The following C10orf53 variants were observed in gnomAD, a reference collection of about 807,000 sequenced individuals.
C10orf53 encodes the protein chromosome 10 open reading frame 53.
A neutral mutation model predicts 9.4 loss-of-function variants in C10orf53; 8 were observed. The ratio of observed to expected loss-of-function variants is 0.85; its 90% CI spans 0.50 to 1.53. C10orf53 has a LOEUF of 1.53. Among genes scored for constraint, C10orf53 ranks in the 40% most tolerant of loss-of-function variants. The pLI, the probability that C10orf53 is intolerant of heterozygous loss-of-function variation, is 0.00. For missense variants in C10orf53, 117 were observed against 117.8 expected, an observed-to-expected ratio of 0.99 and a Z score of 0.03; for synonymous variants, 48 against 46.0, an observed-to-expected ratio of 1.04 and a Z score of -0.18.
At chr10:49,693,981 C>A in intron 2 of C10orf53, 88 bp downstream of exon 2, 1 of 1,566,108 alleles carries the variant, frequency 6.4e-7, no homozygotes, top group Non-Finnish European at 8.7e-7. Context: ...GTGTATCATG[C>A]CTGGATTCAA....
intron 1 of C10orf53, among the ~76,000 whole-genome samples, chr10:49,693,471 A>T (rs1322375357): frequency 1.3e-5 from 2 of 152,198 alleles, no homozygotes; most frequent in Non-Finnish European, 2.9e-5. Context: ...TGTGGTCTCT[A>T]TAAGATTGAG....
At chr10:49,681,850 TC>T (rs931615861) in intron 1 of C10orf53, among the ~76,000 whole-genome samples, 2 of 152,158 alleles carry the variant, frequency 1.3e-5, no homozygotes, top group African/African-American at 4.8e-5. Flanking sequence ...CTTAATTACC[TC>T]TTTAAGCACC....
At chr10:49,705,657 C>T (rs1840717805) in intron 2 of C10orf53, among the ~76,000 whole-genome samples, 1 of 151,660 alleles carries the variant, frequency 6.6e-6, no homozygotes, top group African/African-American at 2.4e-5. Context: ...TATGTAAGAG[C>T]CAAAATTATA....
chr10:49,679,797 G>A lies in C10orf53; in HGVS notation c.97+3G>A, dbSNP rs1564502477. ...CTTCCGCCTGCAGGGCCTGCAAGGT[G>A]GGCCTCCTCGCCGCGTGCGCCCCTG... On this transcript the variant is annotated splice_donor_region_variant and intron_variant, in intron 1 of 2. Transcript: ENST00000374111. 4.6e-6 allele frequency: 7 copies of A among 1,532,910 alleles called. No individual in the cohort carries two copies. Among genetic ancestry groups the A allele is most frequent in the Non-Finnish European group, 6.1e-6 (7 of 1,140,540 alleles). 95.0% of individuals were successfully genotyped at this position (1,532,910 alleles called of 1,614,324 possible). A position where few individuals can be genotyped will look rare whatever the true frequency, so the allele number is the denominator to read the frequency against.
chr10:49,685,328 T>C (rs1840518523), intron 1 of C10orf53, among the ~76,000 whole-genome samples: 1 of 152,208 alleles, frequency 6.6e-6, no homozygotes, highest in Admixed American at 6.5e-5. Context: ...ATAGGCTTTG[T>C]ATTAGATAAT....
At position 49,694,701 on chromosome 10, in the gene C10orf53, G is replaced by C. The variant is rs2132883827; in HGVS notation, c.*99G>C. 6.3e-7 allele frequency: 1 copy of C among 1,587,398 alleles called. No individual in the cohort carries two copies. ...TGGCTGTGCCACGGTGTGGACACTG[G>C]GCTCTGCTAGTCAGAACAGGGCAAC... On this transcript the variant is annotated 3_prime_UTR_variant, in exon 3 of 3. Transcript: ENST00000374111.
chr10:49,708,828 G>T, exon 3 of C10orf53: 1 of 671,526 alleles, frequency 1.5e-6, no homozygotes, highest in Admixed American at 3.1e-5. Context: ...CTGTATTCCC[G>T]TGTTGAAGTT....
chr10:49,697,909 A>G (rs941595275), downstream of C10orf53, among the ~76,000 whole-genome samples: 7 of 152,200 alleles, frequency 4.6e-5, no homozygotes, highest in East Asian at 1.3e-3. Flanking sequence ...TCTAAAATTT[A>G]AAAAGAATAG....
intron 2 of C10orf53, among the ~76,000 whole-genome samples, chr10:49,706,291 T>C (rs1281447075): frequency 2.0e-5 from 3 of 152,216 alleles, no homozygotes; most frequent in Admixed American, 6.5e-5. Context: ...TACACAAGTA[T>C]TTATAGCAGC....
At position 49,693,851 on chromosome 10, in the gene C10orf53, G is replaced by A. The variant is rs267602511; in HGVS notation, c.175G>A (p.Glu59Lys). Residue 59 changes from glutamate to lysine, a missense_variant, in exon 2 of 3, where the codon GAA (glutamate) becomes AAA (lysine). Glu to Lys is a moderately conservative substitution (Grantham distance 56). Transcript: ENST00000374111. ...GAATGTGGTGGAACTCATGGTGAAT[G>A]AAGAAGTCATCTTCCACTGCAACAT... The part of the protein sequence containing the change: ...DWNVVELMVN[E>K]EVIFHCNIKD... 1.7e-5 allele frequency: 27 copies of A among 1,614,116 alleles called. No homozygotes were observed. Among genetic ancestry groups the A allele is most frequent in the Non-Finnish European group, 2.1e-5 (25 of 1,180,026 alleles).
At chr10:49,691,757 AGGGCCAG>A (rs1363777506) in intron 1 of C10orf53, among the ~76,000 whole-genome samples, 17 of 152,294 alleles carry the variant, frequency 1.1e-4, no homozygotes. Flanking sequence ...GCCCTGCAGG[AGGGCCAG>A]GGGCAGGCTA....
intron 1 of C10orf53, among the ~76,000 whole-genome samples, chr10:49,692,648 C>T (rs889583379): frequency 6.6e-6 from 1 of 152,198 alleles, no homozygotes; most frequent in African/African-American, 2.4e-5. Context: ...GGCACACCCA[C>T]TCTAATATTG....
At chr10:49,692,646 C>G (rs1374411027) in intron 1 of C10orf53, among the ~76,000 whole-genome samples, 1 of 152,208 alleles carries the variant, frequency 6.6e-6, no homozygotes, top group Non-Finnish European at 1.5e-5. Flanking sequence ...TCGGCACACC[C>G]ACTCTAATAT....
intron 2 of C10orf53, chr10:49,694,115 A>G (rs752232474): frequency 4.7e-6 from 3 of 638,778 alleles, no homozygotes; most frequent in Non-Finnish European, 7.9e-6. Flanking sequence ...CAAACATTGG[A>G]AACAGGAAGG....
intron 1 of C10orf53, among the ~76,000 whole-genome samples, chr10:49,689,598 G>A (rs539979466): frequency 3.3e-5 from 5 of 152,198 alleles, no homozygotes; most frequent in South Asian, 4.1e-4. Context: ...CAGCGATAGC[G>A]AAAAATTGGA....
rs767869182 is a variant in C10orf53 at position 49,693,979 on chromosome 10, T to C, written c.217+86T>C. 4 of 1,572,168 alleles carry C rather than the reference T, an allele frequency of 2.5e-6. No homozygotes were observed. In the South Asian group the frequency reaches 4.6e-5, roughly 18 times the overall value. On this transcript the variant is annotated intron_variant, in intron 2 of 2. Transcript: ENST00000374111. ...TCTAGTTGAAATGATCAGTGTATCATGCCTGGATTCAAATTGGGTTTCTTT... is the reference window on the plus strand; with the variant it reads ...TCTAGTTGAAATGATCAGTGTATCACGCCTGGATTCAAATTGGGTTTCTTT...
chr10:49,694,105 C>A, intron 2 of C10orf53: 1 of 653,246 alleles, frequency 1.5e-6, no homozygotes. Context: ...CGAGTTTCCC[C>A]AAACATTGGA....
chr10:49,708,608 G>A, exon 3 of C10orf53: 1 of 1,614,074 alleles, frequency 6.2e-7, no homozygotes, highest in South Asian at 1.1e-5. Flanking sequence ...GGGGAACTCA[G>A]CCCTACTGAA....
At chr10:49,686,672 C>G (rs1840532148) in intron 1 of C10orf53, among the ~76,000 whole-genome samples, 1 of 152,162 alleles carries the variant, frequency 6.6e-6, no homozygotes, top group South Asian at 2.1e-4. Flanking sequence ...GAAATACGCC[C>G]TGGTCTCTTG....
Sources: allele counts gnomAD v4.1 joint callset (sites outside exome capture counted in the v4.1 genomes callset), GRCh38; gene constraint gnomAD v4.1.1; transcripts MANE v1.5; gene names NCBI Gene and HGNC (gene_info 2026-07-23, HGNC 2026-07-21).